Variants in PNMA6E observed in about 807,000 individuals in gnomAD.
PNMA6E encodes the protein paraneoplastic antigen Ma6E.
For synonymous variants in PNMA6E, 43 were observed against 17.1 expected, an observed-to-expected ratio of 2.52 and a Z score of -3.74; for missense variants, 78 against 50.8, an observed-to-expected ratio of 1.53 and a Z score of -1.63.
upstream of PNMA6E, among the ~76,000 whole-genome samples, chrX:153,405,386 T>C (rs1162942156): frequency 8.9e-6 from 1 of 111,866 alleles, no homozygotes; most frequent in Non-Finnish European, 1.9e-5. Flanking sequence ...CCCTCTCCCT[T>C]TGAGTGGAGT....
At chrX:153,413,457 C>T in the PNMA6E span, among the ~76,000 whole-genome samples, 412 of 108,458 alleles carry the variant, frequency 3.8e-3, 1 homozygote, top group Middle Eastern at 0.019. Flanking sequence ...GTCCCGGGTC[C>T]GAGGCCCCTC....
chrX:153,397,470 G>T lies in PNMA6E; in HGVS notation c.1380C>A (p.Arg460=), dbSNP rs1053776815. 6.7e-6 allele frequency: 2 copies of T among 298,429 alleles called. No individual in the cohort carries two copies. Among genetic ancestry groups the T allele is most frequent in the Non-Finnish European group, 1.2e-5 (2 of 170,560 alleles). 24.6% of individuals were successfully genotyped at this position (298,429 alleles called of 1,213,427 possible). The change falls in exon 2 of 2, where the codon CGC becomes CGA. Residue 460 remains arginine (R), a synonymous_variant. Coordinates refer to ENST00000445091, the MANE Select transcript of PNMA6E (RefSeq NM_001367770.1). ...GGGTATCCTGGAGTGCCTCGCTGGG[G>T]CGGGCCCAAGACAGCACCTGCTGTA... ...LRLQQVLSWA[R]PSEALQDTLR...
In PNMA6E at chrX:153,397,067, T is replaced by G. The variant is rs981852904; in HGVS notation, c.1783A>C (p.Arg595=). The change falls in exon 2 of 2, where the codon AGA becomes CGA. Residue 595 remains arginine, a synonymous_variant. Coordinates refer to ENST00000445091, the MANE Select transcript of PNMA6E (RefSeq NM_001367770.1). The part of the protein sequence containing the change: ...RMSSAVWVFP[R]GLSWGPEGLI... Reference sequence around the variant, plus strand: ...CCCTCTGGACCCCAGCTAAGACCTCTTGGGAACACCCAGACAGCACTGCTC... The same window carrying G: ...CCCTCTGGACCCCAGCTAAGACCTCGTGGGAACACCCAGACAGCACTGCTC... The G allele has an allele frequency of 1.4e-4, 43 of 296,633 alleles. No homozygotes were observed. Among genetic ancestry groups the G allele is most frequent in the African/African-American group, 1.1e-3 (40 of 36,677 alleles). 24.4% of individuals were successfully genotyped at this position (296,633 alleles called of 1,213,427 possible).
chrX:153,400,106 GTCTA>G (rs1306093404), intron 1 of PNMA6E, among the ~76,000 whole-genome samples: 2 of 112,581 alleles, frequency 1.8e-5, no homozygotes, highest in African/African-American at 6.5e-5. Context: ...TCGACATATG[GTCTA>G]TCTAAGTGAA....
chrX:153,408,212 T>G, the PNMA6E span, among the ~76,000 whole-genome samples: 1 of 112,876 alleles, frequency 8.9e-6, no homozygotes, highest in African/African-American at 3.2e-5. Context: ...GTGGCTCCCC[T>G]CTGGGACATT....
chrX:153,412,961 A>C, the PNMA6E span, among the ~76,000 whole-genome samples: 104 of 111,754 alleles, frequency 9.3e-4, no homozygotes, highest in African/African-American at 3.2e-3. Context: ...GGACTTTTTC[A>C]GGCTAGGCTG....
chrX:153,396,864 G>T lies in PNMA6E; in HGVS notation c.*42C>A. Reference sequence around the variant, plus strand: ...CCTGGCCTCTGTCTGCCTCCAAGGCGCTGCTGCCTGAGAGGAGAGGAGGCC... The same window carrying T: ...CCTGGCCTCTGTCTGCCTCCAAGGCTCTGCTGCCTGAGAGGAGAGGAGGCC... On this transcript the variant is annotated 3_prime_UTR_variant, in exon 2 of 2. Coordinates refer to ENST00000445091, the MANE Select transcript of PNMA6E (RefSeq NM_001367770.1). 1 of 297,789 alleles carries T rather than the reference G, an allele frequency of 3.4e-6. No homozygotes were observed. The highest frequency in any genetic ancestry group is 5.9e-6 in the Non-Finnish European group (1 of 170,302). The allele number at this position is 297,789 out of a possible 1,213,427, so 24.5% of individuals were successfully genotyped here.
At chrX:153,406,704 G>A in the PNMA6E span, among the ~76,000 whole-genome samples, 1 of 112,938 alleles carries the variant, frequency 8.9e-6, no homozygotes, top group Non-Finnish European at 1.9e-5. Context: ...GTATTTGTGT[G>A]AGTGACACGA....
At chrX:153,402,521 A>G (rs181641387), upstream of PNMA6E, among the ~76,000 whole-genome samples, 313 of 111,752 alleles carry the variant, frequency 2.8e-3, no homozygotes, top group African/African-American at 9.2e-3. Context: ...ATATATCTAC[A>G]TGTTATAAAC....
At chrX:153,407,332 G>A in the PNMA6E span, among the ~76,000 whole-genome samples, 10 of 111,417 alleles carry the variant, frequency 9.0e-5, no homozygotes, top group Non-Finnish European at 1.9e-4. Flanking sequence ...ACTGCTGGCT[G>A]CCCTCCCAGC....
the PNMA6E span, among the ~76,000 whole-genome samples, chrX:153,408,751 A>T: frequency 1.8e-5 from 2 of 111,898 alleles, no homozygotes; most frequent in Admixed American, 1.9e-4. Context: ...CACAGTCGCC[A>T]TCACCCTCAG....
chrX:153,399,384 C>T (rs1418232785), intron 1 of PNMA6E, among the ~76,000 whole-genome samples: 5 of 110,531 alleles, frequency 4.5e-5, no homozygotes, highest in Non-Finnish European at 9.5e-5. Flanking sequence ...CTCACTCTGT[C>T]ACCCAGGCTG....
rs939310910 is a variant in PNMA6E at position 153,398,471 on chromosome X, C to T, written c.379G>A (p.Ala127Thr). The T allele has an allele frequency of 2.2e-5, 9 of 412,554 alleles. No individual in the cohort carries two copies. Among genetic ancestry groups the T allele is most frequent in the South Asian group, 4.2e-5 (1 of 23,663 alleles). 34.0% of individuals were successfully genotyped at this position (412,554 alleles called of 1,213,427 possible). ...VAKAAGEGGG[A>T]GEAGGVGEVG... ...TCACCTACACCTCCTGCCTCACCTGCGCCTCCTCCCTCACCTGCAGCTTTT... is the reference window on the plus strand; with the variant it reads ...TCACCTACACCTCCTGCCTCACCTGTGCCTCCTCCCTCACCTGCAGCTTTT... Residue 127 changes from alanine to threonine, a missense_variant, in exon 2 of 2, where the codon GCA becomes ACA. By Grantham distance (58) the Ala-to-Thr change is moderately conservative. Transcript: ENST00000445091.
At chrX:153,403,357 G>A (rs1309576044), upstream of PNMA6E, among the ~76,000 whole-genome samples, 1 of 111,854 alleles carries the variant, frequency 8.9e-6, no homozygotes, top group African/African-American at 3.2e-5. Context: ...ACTTACCCTT[G>A]GTTCTTTACT....
chrX:153,402,450 C>T (rs891941778), upstream of PNMA6E, among the ~76,000 whole-genome samples: 2 of 111,242 alleles, frequency 1.8e-5, no homozygotes, highest in Admixed American at 9.6e-5. Flanking sequence ...AATTTAAGAC[C>T]ATTTTCATTA....
At position 153,398,519 on chromosome X, in the gene PNMA6E, G is replaced by A; in HGVS notation, c.331C>T (p.Gln111Ter). The change falls in exon 2 of 2, where the codon CAG (glutamine) becomes TAG (stop). Residue 111 changes from glutamine to a stop codon, truncating the protein, a stop_gained. Transcript: ENST00000445091. LOFTEE classifies it low-confidence loss of function (END_TRUNC). The part of the protein sequence containing the change: ...EFQDMPSFPA[Q>*]PQGQAVAKAA... The stretch of plus-strand genomic sequence containing the variant: ...TTTGCTACTGCTTGACCCTGGGGCT[G>A]TGCAGGAAAACTGGGCATATCCTGA... 2.7e-6 allele frequency: 1 copy of A among 375,536 alleles called. No homozygotes were observed. Among genetic ancestry groups the A allele is most frequent in the Non-Finnish European group, 4.6e-6 (1 of 216,630 alleles). The allele number at this position is 375,536 out of a possible 1,213,427, so 30.9% of individuals were successfully genotyped here. A position where few individuals can be genotyped will look rare whatever the true frequency, so the allele number is the denominator to read the frequency against.
chrX:153,401,318 A>G lies in PNMA6E; in HGVS notation c.-146T>C, dbSNP rs2088850730. On this transcript the variant is annotated 5_prime_UTR_variant, in exon 1 of 2. Coordinates refer to ENST00000445091, the MANE Select transcript of PNMA6E (RefSeq NM_001367770.1). Reference sequence around the variant, plus strand: ...CTGGGTCTCTCCGAAGGGTCTGAAGAGATCACCTCAGCTCCGCAGCGTGGA... The same window carrying G: ...CTGGGTCTCTCCGAAGGGTCTGAAGGGATCACCTCAGCTCCGCAGCGTGGA... 9.0e-6 allele frequency: 1 copy of G among 111,548 alleles called. No homozygotes were observed. Among genetic ancestry groups the G allele is most frequent in the Admixed American group, 9.4e-5 (1 of 10,628 alleles). 9.2% of individuals were successfully genotyped at this position (111,548 alleles called of 1,213,427 possible).
chrX:153,401,162 C>T (rs782094515), intron 1 of PNMA6E, 82 bp downstream of exon 1: 3 of 107,349 alleles, frequency 2.8e-5, no homozygotes, highest in East Asian at 6.0e-4. Flanking sequence ...CCCCACACCC[C>T]GGGAACCTCC....
chrX:153,407,603 C>A, the PNMA6E span, among the ~76,000 whole-genome samples: 1 of 111,092 alleles, frequency 9.0e-6, no homozygotes, highest in Non-Finnish European at 1.9e-5. Flanking sequence ...AACTCCTGAT[C>A]TCAAGCAGTC....
Sources: gnomAD v4.1 joint callset for allele counts (sites outside exome capture counted in the v4.1 genomes callset) on GRCh38, gnomAD v4.1.1 for gene constraint, MANE v1.5 for transcripts, NCBI Gene and HGNC (gene_info 2026-07-23, HGNC 2026-07-21) for gene names.